The following GALNTL6 variants were observed in gnomAD, a reference collection of about 807,000 sequenced individuals.
GALNTL6 encodes the protein polypeptide N-acetylgalactosaminyltransferase-like 6.
GALNTL6 carries 46 observed loss-of-function variants against 73.7 expected under a neutral mutation model. The ratio of observed to expected loss-of-function variants is 0.62; its 90% confidence interval spans 0.49 to 0.80. The LOEUF is 0.80. Among genes scored for constraint, GALNTL6 ranks in the 30% least tolerant of loss-of-function variants. The probability of loss-of-function intolerance (pLI) is 0.00; values close to 1 mark genes in which losing one functional copy is unlikely to be tolerated. For synonymous variants in GALNTL6, 259 were observed against 263.7 expected (o/e 0.98, Z 0.17); for missense variants, 604 against 755.0 (o/e 0.80, Z 2.34).
At chr4:172,046,154 A>AG (rs1353732294) in intron 2 of GALNTL6, among the ~76,000 whole-genome samples, 2 of 152,016 alleles carry the variant, frequency 1.3e-5, no homozygotes, top group Non-Finnish European at 2.9e-5. Flanking sequence ...GAATTGATTG[A>AG]TTGCATAATT....
chr4:172,481,483 C>G (rs545620281), intron 5 of GALNTL6, among the ~76,000 whole-genome samples: 16 of 150,502 alleles, frequency 1.1e-4, no homozygotes, highest in African/African-American at 3.6e-4. Flanking sequence ...CACCCACATC[C>G]TGCTGATTGG....
chr4:171,979,250 C>A (rs1211945576), intron 2 of GALNTL6, among the ~76,000 whole-genome samples: 1 of 152,136 alleles, frequency 6.6e-6, no homozygotes, highest in East Asian at 1.9e-4. Flanking sequence ...AACATTATAT[C>A]AAATAATTTA....
At chr4:172,020,681 A>C (rs1368951052) in intron 2 of GALNTL6, among the ~76,000 whole-genome samples, 3 of 152,054 alleles carry the variant, frequency 2.0e-5, no homozygotes, top group African/African-American at 7.2e-5. Flanking sequence ...GCCTCACAGC[A>C]AAGAAAAGCC....
At chr4:171,909,149 A>C (rs1737395561) in intron 2 of GALNTL6, among the ~76,000 whole-genome samples, 1 of 147,662 alleles carries the variant, frequency 6.8e-6, no homozygotes, top group East Asian at 2.0e-4. Context: ...TATAATAATA[A>C]ATAAATAAAT....
At chr4:172,801,664 A>G (rs1469569216) in intron 5 of GALNTL6, among the ~76,000 whole-genome samples, 3 of 152,222 alleles carry the variant, frequency 2.0e-5, no homozygotes, top group African/African-American at 7.2e-5. Flanking sequence ...TGGTGAATAC[A>G]TAGGTGCTGT....
intron 5 of GALNTL6, among the ~76,000 whole-genome samples, chr4:172,730,164 GT>G: frequency 6.6e-6 from 1 of 152,174 alleles, no homozygotes. Flanking sequence ...GTAAGAGTGT[GT>G]TTTTTGCTAA....
chr4:172,129,790 G>T (rs1279138874), intron 2 of GALNTL6, among the ~76,000 whole-genome samples: 1 of 152,106 alleles, frequency 6.6e-6, no homozygotes, highest in Non-Finnish European at 1.5e-5. Flanking sequence ...AGTAAAAAAA[G>T]AACTTGCCAA....
rs578256651 is a variant in GALNTL6 at position 172,285,867 on chromosome 4, T to G, written c.248-25747T>G. Among the ~76,000 whole-genome samples the G allele has an allele frequency of 2.6e-5, 4 of 152,308 alleles. No homozygotes were observed. The East Asian group carries it at 5.8e-4, about 22-fold the overall frequency. On this transcript the variant is annotated intron_variant, in intron 3 of 12. Coordinates refer to ENST00000506823, the MANE Select transcript of GALNTL6 (RefSeq NM_001034845.3). ...AACTTTAGCAACAGGTACAAAGACA[T>G]CCGGCAGACATTGCCTTTAACATTT...
chr4:171,956,135 G>A (rs538428045), intron 2 of GALNTL6, among the ~76,000 whole-genome samples: 11 of 143,510 alleles, frequency 7.7e-5, no homozygotes, highest in African/African-American at 2.3e-4. Context: ...CCAGAGTAGC[G>A]GGACTACAGG....
intron 2 of GALNTL6, among the ~76,000 whole-genome samples, chr4:171,835,868 G>A (rs1275360698): frequency 6.6e-6 from 1 of 151,882 alleles, no homozygotes; most frequent in Non-Finnish European, 1.5e-5. Context: ...ATAGTTAACA[G>A]TAGTGATAAT....
At chr4:172,965,480 G>A (rs1473146968) in intron 10 of GALNTL6, among the ~76,000 whole-genome samples, 1 of 152,102 alleles carries the variant, frequency 6.6e-6, no homozygotes, top group African/African-American at 2.4e-5. Context: ...CTACTCGGGA[G>A]GCTGAGGTGG....
chr4:172,225,685 G>A (rs2110958244), intron 2 of GALNTL6, among the ~76,000 whole-genome samples: 1 of 152,214 alleles, frequency 6.6e-6, no homozygotes, highest in Non-Finnish European at 1.5e-5. Flanking sequence ...GAGCCCAGGA[G>A]GCAGAGGTTG....
At chr4:172,320,543 A>T (rs144717134) in intron 4 of GALNTL6, among the ~76,000 whole-genome samples, 1 of 152,212 alleles carries the variant, frequency 6.6e-6, no homozygotes, top group African/African-American at 2.4e-5. Flanking sequence ...ATATTTAGGA[A>T]GATACAGCCT....
rs368339583 is a variant in GALNTL6 at position 172,987,265 on chromosome 4, G to A, written c.1372-21913G>A. ...AGGCCTCAGGAAACCTATAATCATG[G>A]TGGAAGGGAAAGCAAACACATCCTT... On this transcript the variant is annotated intron_variant, in intron 10 of 12. Transcript: ENST00000506823. 2.6e-5 allele frequency among the ~76,000 whole-genome samples: 4 copies of A among 152,228 alleles called. 1 individual carries two copies.
intron 2 of GALNTL6, among the ~76,000 whole-genome samples, chr4:172,006,126 C>G (rs916449597): frequency 4.6e-5 from 7 of 152,172 alleles, no homozygotes; most frequent in African/African-American, 2.4e-5. Context: ...ATGCTATTAT[C>G]TTTCCCTGTT....
chr4:172,330,280 G>A (rs1741081268), intron 4 of GALNTL6, among the ~76,000 whole-genome samples: 1 of 152,204 alleles, frequency 6.6e-6, no homozygotes, highest in African/African-American at 2.4e-5. Context: ...GTGTCAGACT[G>A]CAGGTCCTGG....
At chr4:172,134,209 C>G (rs141729209) in intron 2 of GALNTL6, among the ~76,000 whole-genome samples, 172 of 152,072 alleles carry the variant, frequency 1.1e-3, no homozygotes, top group African/African-American at 3.4e-3. Flanking sequence ...CGGTGAAACC[C>G]CATCTCTACT....
intron 2 of GALNTL6, among the ~76,000 whole-genome samples, chr4:172,130,927 T>C (rs1393413124): frequency 6.6e-6 from 1 of 152,066 alleles, no homozygotes; most frequent in Non-Finnish European, 1.5e-5. Context: ...TATCCCTGTA[T>C]TTCTATGCAC....
At chr4:171,852,932 C>T (rs1052597658) in intron 2 of GALNTL6, among the ~76,000 whole-genome samples, 10 of 151,784 alleles carry the variant, frequency 6.6e-5, no homozygotes, top group African/African-American at 2.4e-4. Flanking sequence ...CTGCAAGCTC[C>T]GCCTCCTGGG....
Sources: allele counts gnomAD v4.1 joint callset (sites outside exome capture counted in the v4.1 genomes callset), GRCh38; gene constraint gnomAD v4.1.1; transcripts MANE v1.5; gene names NCBI Gene and HGNC (gene_info 2026-07-23, HGNC 2026-07-21).